The following HCN1 variants were observed in gnomAD, a reference collection of about 807,000 sequenced individuals.
The protein encoded by HCN1 is hyperpolarization activated cyclic nucleotide gated potassium channel 1, also known as potassium/sodium hyperpolarization-activated cyclic nucleotide-gated channel 1.
A neutral mutation model predicts 78.9 loss-of-function variants in HCN1; 13 were observed. The observed-to-expected ratio is 0.16, with a 90% CI of 0.11 to 0.26. The LOEUF (loss-of-function observed/expected upper bound fraction) is 0.26. HCN1 is among the 10% of genes least tolerant of loss of function. The pLI is 1.00. For synonymous variants in HCN1, 552 were observed against 455.5 expected (o/e 1.21, Z -2.70); for missense variants, 810 against 1,154.3 (o/e 0.70, Z 4.32).
chr5:45,364,928 A>G (rs925365661), intron 4 of HCN1, among the ~76,000 whole-genome samples: 2 of 152,008 alleles, frequency 1.3e-5, no homozygotes, highest in African/African-American at 2.4e-5. Flanking sequence ...TTCTCCTATA[A>G]CATCAAGTAT....
intron 6 of HCN1, among the ~76,000 whole-genome samples, chr5:45,286,058 A>G (rs373407107): frequency 1.2e-4 from 18 of 152,142 alleles, no homozygotes; most frequent in African/African-American, 4.3e-4. Flanking sequence ...CAGAAACTGG[A>G]AATTAACTTT....
intron 2 of HCN1, among the ~76,000 whole-genome samples, chr5:45,504,708 T>A (rs1742261283): frequency 6.6e-6 from 1 of 152,192 alleles, no homozygotes; most frequent in African/African-American, 2.4e-5. Flanking sequence ...TAGTTTACAG[T>A]CCCACCAACA....
At chr5:45,461,133 T>G (rs1486388046) in intron 3 of HCN1, among the ~76,000 whole-genome samples, 2 of 151,916 alleles carry the variant, frequency 1.3e-5, no homozygotes, top group Admixed American at 6.6e-5. Context: ...ATAAAATATA[T>G]ATAGAGAGAT....
chr5:45,554,124 T>C (rs894514292), intron 2 of HCN1, among the ~76,000 whole-genome samples: 2 of 151,928 alleles, frequency 1.3e-5, no homozygotes, highest in African/African-American at 4.8e-5. Context: ...AGAGTCCAGA[T>C]AGGCCAAAAT....
intron 2 of HCN1, chr5:45,644,389 G>C (rs1471898125): frequency 6.6e-6 from 1 of 152,108 alleles, no homozygotes; most frequent in African/African-American, 2.4e-5. Context: ...TTTGAAGATA[G>C]GGATATGAAC....
intron 2 of HCN1, among the ~76,000 whole-genome samples, chr5:45,544,543 C>T (rs989991388): frequency 1.3e-5 from 2 of 151,896 alleles, no homozygotes; most frequent in Admixed American, 6.6e-5. Context: ...GTGCTGCACC[C>T]GTTAAATTGT....
chr5:45,268,902 T>C (rs1744910645), intron 6 of HCN1, among the ~76,000 whole-genome samples: 1 of 152,196 alleles, frequency 6.6e-6, no homozygotes. Context: ...AAAAGAAGCA[T>C]TTTGAATACT....
chr5:45,591,877 T>C (rs1052767766), intron 2 of HCN1, among the ~76,000 whole-genome samples: 4 of 152,176 alleles, frequency 2.6e-5, no homozygotes, highest in African/African-American at 7.2e-5. Context: ...CAAGATTATC[T>C]AGGTTTTCTC....
chr5:45,302,100 G>A (rs1448299869), intron 6 of HCN1, among the ~76,000 whole-genome samples: 1 of 151,944 alleles, frequency 6.6e-6, no homozygotes, highest in Non-Finnish European at 1.5e-5. Flanking sequence ...AAATAATTAG[G>A]GTATGTCCTT....
chr5:45,631,407 A>G (rs1278117086), intron 2 of HCN1, among the ~76,000 whole-genome samples: 1 of 152,158 alleles, frequency 6.6e-6, no homozygotes, highest in African/African-American at 2.4e-5. Flanking sequence ...GGCAGTGGTC[A>G]TGATGGAGCT....
At chr5:45,658,622 C>T (rs1163515744) in intron 1 of HCN1, among the ~76,000 whole-genome samples, 1 of 151,676 alleles carries the variant, frequency 6.6e-6, no homozygotes, top group Non-Finnish European at 1.5e-5. Flanking sequence ...CGAAGCAGGG[C>T]GAGGCATTGC....
At chr5:45,575,515 T>C (rs1014624008) in intron 2 of HCN1, 2 of 152,024 alleles carry the variant, frequency 1.3e-5, no homozygotes, top group Non-Finnish European at 2.9e-5. Flanking sequence ...ACATGGCACA[T>C]GTATGCATAT....
chr5:45,546,602 C>A (rs1387167428), intron 2 of HCN1, among the ~76,000 whole-genome samples: 2 of 151,830 alleles, frequency 1.3e-5, no homozygotes, highest in Non-Finnish European at 2.9e-5. Flanking sequence ...TTTATAATTT[C>A]ACTTTTATTA....
chr5:45,392,799 A>G (rs1005839411), intron 4 of HCN1, among the ~76,000 whole-genome samples: 4 of 152,244 alleles, frequency 2.6e-5, no homozygotes, highest in Admixed American at 2.0e-4. Flanking sequence ...GAAAAAAAAA[A>G]AAAGCCATCA....
chr5:45,654,208 T>C (rs1201893886), intron 1 of HCN1, among the ~76,000 whole-genome samples: 2 of 152,116 alleles, frequency 1.3e-5, no homozygotes, highest in Non-Finnish European at 2.9e-5. Context: ...TGTAAGTCTA[T>C]AGCTTTTATT....
At chr5:45,548,378 A>T (rs767612066) in intron 2 of HCN1, among the ~76,000 whole-genome samples, 1 of 151,976 alleles carries the variant, frequency 6.6e-6, no homozygotes. Context: ...GGATTAAGAG[A>T]TGATATAAGA....
chr5:45,307,700 T>C (rs1020407176), intron 5 of HCN1, among the ~76,000 whole-genome samples: 17 of 152,112 alleles, frequency 1.1e-4, no homozygotes, highest in African/African-American at 4.1e-4. Context: ...AAGGGGAGAC[T>C]AAGGAGACAT....
intron 5 of HCN1, among the ~76,000 whole-genome samples, chr5:45,320,378 T>C (rs1364782438): frequency 6.6e-6 from 1 of 151,890 alleles, no homozygotes; most frequent in Non-Finnish European, 1.5e-5. Context: ...GGAGTTTTTT[T>C]GAGGTAAAGA....
In HCN1 at chr5:45,693,579, G is replaced by A. The variant is rs958117382; in HGVS notation, c.425+2090C>T. Among the ~76,000 whole-genome samples the A allele has an allele frequency of 2.0e-5, 3 of 151,892 alleles. No homozygotes were observed. In the East Asian group the frequency reaches 5.8e-4, roughly 29 times the overall value. On this transcript the variant is annotated intron_variant, in intron 1 of 7. Transcript: ENST00000303230. ...TTAAATCATCACCTGATTTCAATTT[G>A]TTCCTTTGTTCAGTAACAATGTTTT...
Sources: allele counts gnomAD v4.1 joint callset (sites outside exome capture counted in the v4.1 genomes callset), GRCh38; gene constraint gnomAD v4.1.1; transcripts MANE v1.5; gene names NCBI Gene and HGNC (gene_info 2026-07-23, HGNC 2026-07-21).